Variants in ZRANB1 observed in about 807,000 individuals in gnomAD.
ZRANB1 encodes the protein zinc finger RANBP2-type containing 1, also known as ubiquitin thioesterase ZRANB1.
A neutral mutation model predicts 80.5 loss-of-function variants in ZRANB1; 16 were observed. That is an observed-to-expected ratio of 0.20 (90% CI 0.13 to 0.30). The LOEUF (loss-of-function observed/expected upper bound fraction) is 0.30. ZRANB1 is among the 10% of genes least tolerant of loss of function. ZRANB1 has a pLI of 1.00. For synonymous variants in ZRANB1, 291 were observed against 293.1 expected (o/e 0.99, Z 0.07); for missense variants, 576 against 862.6 (o/e 0.67, Z 4.16).
the ZRANB1 span, among the ~76,000 whole-genome samples, chr10:124,918,918 T>A: frequency 6.6e-6 from 1 of 152,218 alleles, no homozygotes; most frequent in East Asian, 1.9e-4. Flanking sequence ...GGATGTTATC[T>A]GAGTGTCATG....
intron 1 of ZRANB1, among the ~76,000 whole-genome samples, chr10:124,956,998 A>G (rs533662097): frequency 1.9e-4 from 29 of 152,158 alleles, no homozygotes; most frequent in Non-Finnish European, 3.8e-4. Context: ...GAACAAGGAC[A>G]TTTTTTCCTA....
At chr10:124,931,148 T>G in the ZRANB1 span, among the ~76,000 whole-genome samples, 2 of 152,124 alleles carry the variant, frequency 1.3e-5, no homozygotes, top group South Asian at 2.1e-4. Flanking sequence ...TGATCATAGC[T>G]CACTGCAGCA....
At position 124,981,766 on chromosome 10, in the gene ZRANB1, T is replaced by G. The variant is rs367624249; in HGVS notation, c.1485T>G (p.His495Gln). ...GGTATTCTCAGAGCTTTGGTTTACA[T>G]TTTTCCTTGAGAGAAGAACAGTGGC... is the stretch of plus-strand genomic sequence containing the variant. ...ESWYSQSFGL[H>Q]FSLREEQWQE... Residue 495 changes from histidine (H) to glutamine (Q), a missense_variant, in exon 6 of 9, where the codon CAT becomes CAG. This residue lies in a region of ZRANB1 where 13 missense variants were observed against 57.6 expected (regional missense o/e 0.23). Coordinates refer to ENST00000359653, the MANE Select transcript of ZRANB1 (RefSeq NM_017580.3). 4 of 1,613,598 alleles carry G rather than the reference T, an allele frequency of 2.5e-6. No individual in the cohort carries two copies. Among genetic ancestry groups the G allele is most frequent in the Non-Finnish European group, 3.4e-6 (4 of 1,179,810 alleles).
At chr10:124,927,154 A>T in the ZRANB1 span, among the ~76,000 whole-genome samples, 4 of 151,498 alleles carry the variant, frequency 2.6e-5, no homozygotes, top group Admixed American at 1.3e-4. Context: ...ATGGGGTTTC[A>T]CCGTGTTAGC....
At chr10:124,923,541 G>A in the ZRANB1 span, among the ~76,000 whole-genome samples, 1 of 151,944 alleles carries the variant, frequency 6.6e-6, no homozygotes, top group Non-Finnish European at 1.5e-5. Flanking sequence ...GCAGTGAGCC[G>A]AGATTGTGCC....
In ZRANB1 at chr10:124,987,757, CTTGTT is replaced by C. The variant is rs1382775323; in HGVS notation, c.*2773_*2777del. 2.6e-5 allele frequency: 4 copies of C among 152,094 alleles called. No homozygotes were observed. The highest frequency in any genetic ancestry group is 3.9e-4 in the East Asian group (2 of 5,194). 9.4% of individuals were successfully genotyped at this position (152,094 alleles called of 1,614,324 possible). Reference sequence around the variant, plus strand: ...AAAGGCTTTAAGACACCATGATTTTCTTGTTTTGTTTTAATTGGGAAGGGAAGTAT... The same window carrying C: ...AAAGGCTTTAAGACACCATGATTTTCTTGTTTTAATTGGGAAGGGAAGTAT... On this transcript the variant is annotated 3_prime_UTR_variant, in exon 9 of 9. Coordinates refer to ENST00000359653, the MANE Select transcript of ZRANB1 (RefSeq NM_017580.3).
At chr10:124,980,690 A>T (rs1469060961) in intron 5 of ZRANB1, among the ~76,000 whole-genome samples, 1 of 152,246 alleles carries the variant, frequency 6.6e-6, no homozygotes, top group Admixed American at 6.5e-5. Context: ...ATTATATTTT[A>T]ATTTCTTTAG....
the ZRANB1 span, among the ~76,000 whole-genome samples, chr10:124,920,990 A>G: frequency 6.6e-6 from 1 of 152,164 alleles, no homozygotes; most frequent in Admixed American, 6.5e-5. Flanking sequence ...CTGGGACTTT[A>G]TGGTTTATGA....
At position 124,975,010 on chromosome 10, in the gene ZRANB1, G is replaced by A. The variant is rs114176213; in HGVS notation, c.1427+612G>A. ...ATGGAGTTTTGCCATCTTTCCCAGG[G>A]TGGCTTTGATAATCCTGATCTCAAG... On this transcript the variant is annotated intron_variant, in intron 5 of 8. Transcript: ENST00000359653. 7.2e-3 allele frequency among the ~76,000 whole-genome samples: 1,089 copies of A among 152,258 alleles called. 17 individuals are homozygous for A. Among genetic ancestry groups the A allele is most frequent in the African/African-American group, 0.025 (1,032 of 41,558 alleles).
chr10:124,942,136 T>C lies in ZRANB1; in HGVS notation c.-358T>C. 9.4e-7 allele frequency: 1 copy of C among 1,059,342 alleles called. No individual in the cohort carries two copies. The allele number at this position is 1,059,342 out of a possible 1,614,324, so 65.6% of individuals were successfully genotyped here. ...TTCTAAATTGATGTGATGGCCTCCC[T>C]GAAATTAAACATTTCTATTAGTGGC... On this transcript the variant is annotated 5_prime_UTR_variant, in exon 1 of 9. Coordinates refer to ENST00000359653, the MANE Select transcript of ZRANB1 (RefSeq NM_017580.3).
chr10:124,983,660 T>G lies in ZRANB1; in HGVS notation c.1880T>G (p.Leu627Arg). ...CTGGTTGACAGTGAAAGGAAGCTACTCCATGTGCACTTCCTTTCTGCTCAG... is the reference window on the plus strand; with the variant it reads ...CTGGTTGACAGTGAAAGGAAGCTACGCCATGTGCACTTCCTTTCTGCTCAG... ...LPLVDSERKL[L>R]HVHFLSAQEL... Residue 627 changes from leucine to arginine, a missense_variant, in exon 8 of 9, where the codon CTC becomes CGC. Leu to Arg is a moderately radical substitution (Grantham distance 102, BLOSUM62 -2). This residue lies in a region of ZRANB1 where 152 missense variants were observed against 221.9 expected (regional missense o/e 0.69). Transcript: ENST00000359653. The surrounding 1 kb of genome is among the most constrained non-coding windows in gnomAD (Gnocchi z 6.2). 6.2e-7 allele frequency: 1 copy of G among 1,604,334 alleles called. No homozygotes were observed. The highest frequency in any genetic ancestry group is 8.5e-7 in the Non-Finnish European group (1 of 1,174,380).
At chr10:124,970,923 C>G (rs980756731) in intron 2 of ZRANB1, among the ~76,000 whole-genome samples, 1 of 146,770 alleles carries the variant, frequency 6.8e-6, no homozygotes, top group African/African-American at 2.5e-5. Context: ...TTTCAACTTC[C>G]TCCTCCCGGG....
chr10:124,964,768 A>G (rs1951764186), intron 1 of ZRANB1, among the ~76,000 whole-genome samples: 2 of 152,226 alleles, frequency 1.3e-5, no homozygotes, highest in South Asian at 2.1e-4. Flanking sequence ...CCTTGATGCT[A>G]TGTATACCTG....
the ZRANB1 span, among the ~76,000 whole-genome samples, chr10:124,918,785 A>G: frequency 5.7e-3 from 874 of 152,352 alleles, 28 homozygotes; most frequent in Admixed American, 0.042. Context: ...TTAGAATCCT[A>G]TTGACTTTTG....
At position 124,985,211 on chromosome 10, in the gene ZRANB1, C is replaced by T. The variant is rs1290841996; in HGVS notation, c.*219C>T. 1 of 457,838 alleles carries T rather than the reference C, an allele frequency of 2.2e-6. No homozygotes were observed. The highest frequency in any genetic ancestry group is 3.9e-6 in the Non-Finnish European group (1 of 259,720). 28.4% of individuals were successfully genotyped at this position (457,838 alleles called of 1,614,324 possible). ...GTTGGACTACAGTTTGTAAAAAAAACTAATTTTATTAAGACAGAACTTTTT... is the reference window on the plus strand; with the variant it reads ...GTTGGACTACAGTTTGTAAAAAAAATTAATTTTATTAAGACAGAACTTTTT... On this transcript the variant is annotated 3_prime_UTR_variant, in exon 9 of 9. Coordinates refer to ENST00000359653, the MANE Select transcript of ZRANB1 (RefSeq NM_017580.3).
At chr10:124,941,223 AT>A (rs1951534258), upstream of ZRANB1, among the ~76,000 whole-genome samples, 1 of 152,074 alleles carries the variant, frequency 6.6e-6, no homozygotes, top group African/African-American at 2.4e-5. Context: ...TAAATTTGTT[AT>A]GTAAGTTGCT....
At chr10:124,937,183 A>ATTTT (rs35095657), upstream of ZRANB1, among the ~76,000 whole-genome samples, 1 of 93,986 alleles carries the variant, frequency 1.1e-5, no homozygotes, top group African/African-American at 3.6e-5. Context: ...ATTTGTGTGT[A>ATTTT]TTTTTTTTTT....
the ZRANB1 span, among the ~76,000 whole-genome samples, chr10:124,927,580 G>T: frequency 6.6e-6 from 1 of 152,202 alleles, no homozygotes; most frequent in African/African-American, 2.4e-5. Flanking sequence ...TTTGATACCA[G>T]CAGAATATTA....
At chr10:124,924,409 A>G in the ZRANB1 span, among the ~76,000 whole-genome samples, 1 of 152,104 alleles carries the variant, frequency 6.6e-6, no homozygotes, top group African/African-American at 2.4e-5. Context: ...TTGTACAGCC[A>G]TTACCAACCA....
Sources: gnomAD v4.1 joint callset for allele counts (sites outside exome capture counted in the v4.1 genomes callset) on GRCh38, gnomAD v4.1.1 for gene constraint, gnomAD v4.1.1 regional missense constraint, Gnocchi (gnomAD v3.1) non-coding constraint, MANE v1.5 for transcripts, NCBI Gene and HGNC (gene_info 2026-07-23, HGNC 2026-07-21) for gene names.